The following UFSP1 variants were observed in gnomAD, a reference collection of about 807,000 sequenced individuals.
The protein encoded by UFSP1 is UFM1 specific peptidase 1.
For synonymous variants in UFSP1, 119 were observed against 77.6 expected (o/e 1.53, Z -2.81); for missense variants, 261 against 182.7 (o/e 1.43, Z -2.47).
In UFSP1 at chr7:100,889,215, C is replaced by T. The variant is rs1222752835; in HGVS notation, c.57G>A (p.Glu19=). ...CGAAGTGAGCGAGGCAGAGGCTGGCCTCCACGCAGCCGATCCAGTCCCGGG... is the reference window on the plus strand; with the variant it reads ...CGAAGTGAGCGAGGCAGAGGCTGGCTTCCACGCAGCCGATCCAGTCCCGGG... The change falls in exon 1 of 1, where the codon GAG becomes GAA. Residue 19 remains glutamate (E), a synonymous_variant. Transcript: ENST00000388761. The T allele has an allele frequency of 3.1e-6, 5 of 1,593,654 alleles. No individual in the cohort carries two copies. Among genetic ancestry groups the T allele is most frequent in the Non-Finnish European group, 3.4e-6 (4 of 1,171,182 alleles).
rs1427517631 is a variant in UFSP1 at position 100,889,263 on chromosome 7, G to A, written c.9C>T (p.Asp3=). Residue 3 remains aspartate (D), a synonymous_variant, in exon 1 of 1, where the codon GAC becomes GAT. Transcript: ENST00000388761. The stretch of plus-strand genomic sequence containing the variant: ...GGGAGCCCCGGAAGCCGGGGGGCTT[G>A]TCGCCCATGTCCTCCAGGGCCGCCT... The A allele has an allele frequency of 1.3e-6, 2 of 1,532,476 alleles. No individual in the cohort carries two copies. The highest frequency in any genetic ancestry group is 1.7e-6 in the Non-Finnish European group (2 of 1,145,478). 94.9% of individuals were successfully genotyped at this position (1,532,476 alleles called of 1,614,324 possible).
In UFSP1 at chr7:100,889,220, C is replaced by T. The variant is rs1297852522; in HGVS notation, c.52G>A (p.Val18Met). 2 of 1,589,750 alleles carry T rather than the reference C, an allele frequency of 1.3e-6. No individual in the cohort carries two copies. The highest frequency in any genetic ancestry group is 1.7e-6 in the Non-Finnish European group (2 of 1,169,180). The change falls in exon 1 of 1, where the codon GTG becomes ATG. Residue 18 changes from valine (V) to methionine (M), a missense_variant. Coordinates refer to ENST00000388761, the MANE Select transcript of UFSP1 (RefSeq NM_001015072.4). ...TGAGCGAGGCAGAGGCTGGCCTCCA[C>T]GCAGCCGATCCAGTCCCGGGAGCCC...
At position 100,889,556 on chromosome 7, in the gene UFSP1, G is replaced by A. The variant is rs952534498; in HGVS notation, c.-285C>T. 4.6e-6 allele frequency: 2 copies of A among 430,976 alleles called. No individual in the cohort carries two copies. The highest frequency in any genetic ancestry group is 2.1e-5 in the African/African-American group (1 of 48,298). 26.7% of individuals were successfully genotyped at this position (430,976 alleles called of 1,614,324 possible). On this transcript the variant is annotated 5_prime_UTR_variant, in exon 1 of 1. Transcript: ENST00000388761. ...GGCACAGCGTCCTCCTAGCGGCGCG[G>A]AGCGACCTCAGGCTCCAACACTTCC...
At position 100,889,369 on chromosome 7, in the gene UFSP1, C is replaced by T; in HGVS notation, c.-98G>A. The T allele has an allele frequency of 9.0e-7, 1 of 1,116,856 alleles. No individual in the cohort carries two copies. The highest frequency in any genetic ancestry group is 1.2e-6 in the Non-Finnish European group (1 of 815,630). 69.2% of individuals were successfully genotyped at this position (1,116,856 alleles called of 1,614,324 possible). ...CGTCTGCAGAGTGCGGTAGCCGCAGCCCCAGCCGCGGTCGTCCAGGCCGTC... is the reference window on the plus strand; with the variant it reads ...CGTCTGCAGAGTGCGGTAGCCGCAGTCCCAGCCGCGGTCGTCCAGGCCGTC... On this transcript the variant is annotated 5_prime_UTR_variant, in exon 1 of 1. Coordinates refer to ENST00000388761, the MANE Select transcript of UFSP1 (RefSeq NM_001015072.4).
chr7:100,888,965 C>A lies in UFSP1; in HGVS notation c.307G>T (p.Glu103Ter), dbSNP rs1790461209. The change falls in exon 1 of 1, where the codon GAA becomes TAA. Residue 103 changes from glutamate to a stop codon, truncating the protein, a stop_gained. Transcript: ENST00000388761. LOFTEE classifies it low-confidence loss of function (END_TRUNC). ...CCCACCCACCCAGCAGCCTGTAGTT[C>A]ACTGGGGCTTTTTGGAGTGCCCCAG... The A allele has an allele frequency of 6.2e-7, 1 of 1,614,106 alleles. No individual in the cohort carries two copies. Among genetic ancestry groups the A allele is most frequent in the Admixed American group, 1.7e-5 (1 of 60,010 alleles).
In UFSP1 at chr7:100,889,331, G is replaced by A. The variant is rs1790487951; in HGVS notation, c.-60C>T. 1 of 1,403,964 alleles carries A rather than the reference G, an allele frequency of 7.1e-7. No individual in the cohort carries two copies. Among genetic ancestry groups the A allele is most frequent in the Non-Finnish European group, 9.4e-7 (1 of 1,063,872 alleles). The allele number at this position is 1,403,964 out of a possible 1,614,324, so 87.0% of individuals were successfully genotyped here. ...GGTACGCCCGCGGGCTGGCCCTCTG[G>A]CCACGAGCACAGCGTCTGCAGAGTG... On this transcript the variant is annotated 5_prime_UTR_variant, in exon 1 of 1. Coordinates refer to ENST00000388761, the MANE Select transcript of UFSP1 (RefSeq NM_001015072.4).
At position 100,888,868 on chromosome 7, in the gene UFSP1, T is replaced by C. The variant is rs1347671331; in HGVS notation, c.404A>G (p.Gln135Arg). 5 of 1,611,902 alleles carry C rather than the reference T, an allele frequency of 3.1e-6. No individual in the cohort carries two copies. The highest frequency in any genetic ancestry group is 1.1e-5 in the South Asian group (1 of 90,974). Residue 135 changes from glutamine (Q) to arginine (R), a missense_variant, in exon 1 of 1, where the codon CAA becomes CGA. Transcript: ENST00000388761. ...TCAGTCCAAGGTGCGCTGCTGCTGT[T>C]GGGAGCTAAGGCTGGTCAAGCACAG... is the stretch of plus-strand genomic sequence containing the variant.
At position 100,888,857 on chromosome 7, in the gene UFSP1, G is replaced by A. The variant is rs1334844210; in HGVS notation, c.415C>T (p.Arg139Cys). ...TAACTTCGTCCTCAGTCCAAGGTGC[G>A]CTGCTGCTGTTGGGAGCTAAGGCTG... The change falls in exon 1 of 1, where the codon CGC becomes TGC. Residue 139 changes from arginine (R) to cysteine (C), a missense_variant. Coordinates refer to ENST00000388761, the MANE Select transcript of UFSP1 (RefSeq NM_001015072.4). 6 of 1,609,386 alleles carry A rather than the reference G, an allele frequency of 3.7e-6. No homozygotes were observed. The East Asian group carries it at 6.7e-5, about 18-fold the overall frequency.
chr7:100,889,475 C>A lies in UFSP1; in HGVS notation c.-204G>T. 6 of 513,008 alleles carry A rather than the reference C, an allele frequency of 1.2e-5. No individual in the cohort carries two copies. Among genetic ancestry groups the A allele is most frequent in the Non-Finnish European group, 2.0e-5 (6 of 294,426 alleles). The allele number at this position is 513,008 out of a possible 1,614,324, so 31.8% of individuals were successfully genotyped here. A position where few individuals can be genotyped will look rare whatever the true frequency, so the allele number is the denominator to read the frequency against. On this transcript the variant is annotated 5_prime_UTR_variant, in exon 1 of 1. Transcript: ENST00000388761. ...CCGCGGCTCGGCGGGGACAGGCCCA[C>A]GTGGACGTCCCTCAGCGGCTCCAGG...
At position 100,888,745 on chromosome 7, in the gene UFSP1, T is replaced by C; in HGVS notation, c.*98A>G. 2.0e-6 allele frequency: 3 copies of C among 1,507,172 alleles called. No homozygotes were observed. Among genetic ancestry groups the C allele is most frequent in the Non-Finnish European group, 2.7e-6 (3 of 1,096,748 alleles). 93.4% of individuals were successfully genotyped at this position (1,507,172 alleles called of 1,614,324 possible). On this transcript the variant is annotated 3_prime_UTR_variant, in exon 1 of 1. Coordinates refer to ENST00000388761, the MANE Select transcript of UFSP1 (RefSeq NM_001015072.4). ...GTGTTGCTCAGCCCTGCCACTTTTA[T>C]TATTGATGTCAAAAGCGCCAGGCTT...
Position 100,889,409 on chromosome 7 carries a change from A to G in UFSP1, c.-138T>C, listed in dbSNP as rs1225679671. The G allele has an allele frequency of 1.7e-5, 12 of 719,846 alleles. No homozygotes were observed. In the Admixed American group the frequency reaches 2.7e-4, roughly 16 times the overall value. 44.6% of individuals were successfully genotyped at this position (719,846 alleles called of 1,614,324 possible). ...TCCAGGCCGTCGCAGCCGTAGTGGT[A>G]GTAGAGGTAGTGGCCCGAGAGCAGC... On this transcript the variant is annotated 5_prime_UTR_variant, in exon 1 of 1. Transcript: ENST00000388761.
Position 100,888,972 on chromosome 7 carries a change from G to A in UFSP1, c.300C>T (p.Ser100=). The change falls in exon 1 of 1, where the codon AGC becomes AGT. Residue 100 remains serine (S), a synonymous_variant. Transcript: ENST00000388761. ...ACCCAGCAGCCTGTAGTTCACTGGG[G>A]CTTTTTGGAGTGCCCCAGTAGTGAG... 6.2e-7 allele frequency: 1 copy of A among 1,614,202 alleles called. No individual in the cohort carries two copies. The highest frequency in any genetic ancestry group is 8.5e-7 in the Non-Finnish European group (1 of 1,180,030).
At position 100,888,988 on chromosome 7, in the gene UFSP1, C is replaced by T. The variant is rs1008107125; in HGVS notation, c.284G>A (p.Trp95Ter). The T allele has an allele frequency of 1.9e-6, 3 of 1,614,074 alleles. No individual in the cohort carries two copies. The highest frequency in any genetic ancestry group is 2.5e-6 in the Non-Finnish European group (3 of 1,180,038). Residue 95 changes from tryptophan to a stop codon, truncating the protein, a stop_gained, in exon 1 of 1, where the codon TGG becomes TAG. Transcript: ENST00000388761. LOFTEE classifies it low-confidence loss of function (END_TRUNC). ...TTCACTGGGGCTTTTTGGAGTGCCC[C>T]AGTAGTGAGGGTCCAATACCAGGAC...
At position 100,888,870 on chromosome 7, in the gene UFSP1, G is replaced by A. The variant is rs1267216795; in HGVS notation, c.402C>T (p.Ser134=). ...AGTCCAAGGTGCGCTGCTGCTGTTGGGAGCTAAGGCTGGTCAAGCACAGGT... is the reference window on the plus strand; with the variant it reads ...AGTCCAAGGTGCGCTGCTGCTGTTGAGAGCTAAGGCTGGTCAAGCACAGGT... The change falls in exon 1 of 1, where the codon TCC becomes TCT. Residue 134 remains serine, a synonymous_variant. Transcript: ENST00000388761. The A allele has an allele frequency of 6.2e-7, 1 of 1,612,002 alleles. No individual in the cohort carries two copies. Among genetic ancestry groups the A allele is most frequent in the Admixed American group, 1.7e-5 (1 of 59,878 alleles).
At position 100,889,592 on chromosome 7, in the gene UFSP1, G is replaced by A. The variant is rs917148423; in HGVS notation, c.-321C>T. The A allele has an allele frequency of 5.7e-6, 2 of 352,590 alleles. No individual in the cohort carries two copies. The highest frequency in any genetic ancestry group is 9.5e-5 in the East Asian group (2 of 20,978). The allele number at this position is 352,590 out of a possible 1,614,324, so 21.8% of individuals were successfully genotyped here. The stretch of plus-strand genomic sequence containing the variant: ...GGCTCCAACACTTCCTTTCGGCTCC[G>A]GGTCTTGGGCCAGCTGCCGCAGGAC... On this transcript the variant is annotated 5_prime_UTR_variant, in exon 1 of 1. Coordinates refer to ENST00000388761, the MANE Select transcript of UFSP1 (RefSeq NM_001015072.4).
rs1014948672 is a variant in UFSP1, at chr7:100,888,829, C to A, written c.*14G>T. On this transcript the variant is annotated 3_prime_UTR_variant, in exon 1 of 1. Transcript: ENST00000388761. ...TGTCTGGGACCCGAGAATCTCAGTTCTGTAACTTCGTCCTCAGTCCAAGGT... is the reference window on the plus strand; with the variant it reads ...TGTCTGGGACCCGAGAATCTCAGTTATGTAACTTCGTCCTCAGTCCAAGGT... 2 of 1,592,664 alleles carry A rather than the reference C, an allele frequency of 1.3e-6. No individual in the cohort carries two copies. Among genetic ancestry groups the A allele is most frequent in the African/African-American group, 2.7e-5 (2 of 74,442 alleles).
Position 100,889,066 on chromosome 7 carries a change from G to C in UFSP1, c.206C>G (p.Ala69Gly), listed in dbSNP as rs146266307. 85 of 1,613,916 alleles carry C rather than the reference G, an allele frequency of 5.3e-5. No homozygotes were observed. The Admixed American group carries it at 7.3e-4, about 14-fold the overall frequency. Reference sequence around the variant, plus strand: ...GACTCCCAGCAAGGCCTTGGACCTGGCATCTGCGTCCCCCCCAACCATGAC... The same window carrying C: ...GACTCCCAGCAAGGCCTTGGACCTGCCATCTGCGTCCCCCCCAACCATGAC... Residue 69 changes from alanine (A) to glycine (G), a missense_variant, in exon 1 of 1, where the codon GCC (alanine) becomes GGC (glycine). By Grantham distance (60) the Ala-to-Gly change is moderately conservative. Coordinates refer to ENST00000388761, the MANE Select transcript of UFSP1 (RefSeq NM_001015072.4).
In UFSP1 at chr7:100,888,978, T is replaced by G. The variant is rs145741868; in HGVS notation, c.294A>C (p.Pro98=). ...CAGCCTGTAGTTCACTGGGGCTTTT[T>G]GGAGTGCCCCAGTAGTGAGGGTCCA... Residue 98 remains proline (P), a synonymous_variant, in exon 1 of 1, where the codon CCA becomes CCC. Coordinates refer to ENST00000388761, the MANE Select transcript of UFSP1 (RefSeq NM_001015072.4). 4 of 1,614,182 alleles carry G rather than the reference T, an allele frequency of 2.5e-6. No homozygotes were observed. Among genetic ancestry groups the G allele is most frequent in the Non-Finnish European group, 3.4e-6 (4 of 1,180,016 alleles).
In UFSP1 at chr7:100,889,360, T is replaced by TA. The variant is rs1790489263; in HGVS notation, c.-90dup. On this transcript the variant is annotated 5_prime_UTR_variant, in exon 1 of 1. Transcript: ENST00000388761. ...CGAGCACAGCGTCTGCAGAGTGCGG[T>TA]AGCCGCAGCCCCAGCCGCGGTCGTC... 4.2e-6 allele frequency: 5 copies of TA among 1,196,266 alleles called. No homozygotes were observed. In the South Asian group the frequency reaches 8.7e-5, roughly 21 times the overall value. The allele number at this position is 1,196,266 out of a possible 1,614,324, so 74.1% of individuals were successfully genotyped here. A position where few individuals can be genotyped will look rare whatever the true frequency, so the allele number is the denominator to read the frequency against.
Sources: gnomAD v4.1 joint callset for allele counts on GRCh38, gnomAD v4.1.1 for gene constraint, MANE v1.5 for transcripts, NCBI Gene and HGNC (gene_info 2026-07-23, HGNC 2026-07-21) for gene names.